The following MTHFD2 variants were observed in gnomAD, a reference collection of about 807,000 sequenced individuals.
The protein encoded by MTHFD2 is bifunctional methylenetetrahydrofolate dehydrogenase/cyclohydrolase, mitochondrial.
Under a neutral mutation model 36.8 loss-of-function variants are expected in MTHFD2, and 26 were observed. The observed-to-expected ratio is 0.71, with a 90% CI of 0.52 to 0.98. The LOEUF is 0.98. Among genes scored for constraint, MTHFD2 ranks in the 50% least tolerant of loss-of-function variants. The pLI, the probability that MTHFD2 is intolerant of heterozygous loss-of-function variation, is 0.00. For missense variants in MTHFD2, 373 were observed against 434.0 expected (o/e 0.86, Z 1.25); for synonymous variants, 164 against 155.2 (o/e 1.06, Z -0.42).
rs111549133 is a variant in MTHFD2 at position 74,203,856 on chromosome 2, G to C, written c.102-1849G>C. Among the ~76,000 whole-genome samples, 240 of 105,144 alleles carry C rather than the reference G, an allele frequency of 2.3e-3. 2 individuals carry two copies. The highest frequency in any genetic ancestry group is 6.4e-3 in the African/African-American group (222 of 34,666). The allele number at this position is 105,144 out of a possible 152,430, so 69.0% of individuals were successfully genotyped here. On this transcript the variant is annotated intron_variant, in intron 1 of 7. Coordinates refer to ENST00000394053, the MANE Select transcript of MTHFD2 (RefSeq NM_006636.4). ...AGAGATGCTCATCTAGTTTAGTTTA[G>C]TTTAGTTTAGTTTAGTTTAGTTTAG...
chr2:74,202,516 A>AT lies in MTHFD2; in HGVS notation c.102-3177dup, dbSNP rs111445397. ...GTATCAGCAAAACCCCCCTATTTTA[A>AT]TTTTTTTTTTTTGAGATGGAGTCTG... is the stretch of plus-strand genomic sequence containing the variant. On this transcript the variant is annotated intron_variant, in intron 1 of 7. Coordinates refer to ENST00000394053, the MANE Select transcript of MTHFD2 (RefSeq NM_006636.4). 3.9e-3 allele frequency among the ~76,000 whole-genome samples: 569 copies of AT among 146,046 alleles called. 5 individuals are homozygous for AT. The highest frequency in any genetic ancestry group is 0.012 in the African/African-American group (474 of 39,964).
rs200469907 is a variant in MTHFD2 at position 74,198,639 on chromosome 2, T to G, written c.-3T>G. ...CCTCCCGGCGCAGTCACCGGCGCGG[T>G]CTATGGCTGCGACTTCTCTAATGTC... On this transcript the variant is annotated 5_prime_UTR_variant, in exon 1 of 8. Transcript: ENST00000394053. The G allele has an allele frequency of 6.2e-6, 10 of 1,605,116 alleles. No individual in the cohort carries two copies. The highest frequency in any genetic ancestry group is 2.2e-5 in the South Asian group (2 of 90,068).
At chr2:74,213,938 C>T in intron 7 of MTHFD2, 141 bp from the exon 8 acceptor site, 1 of 837,708 alleles carries the variant, frequency 1.2e-6, no homozygotes, top group Non-Finnish European at 1.8e-6. Context: ...TTCACAAAAC[C>T]TTGAATGATG....
intron 7 of MTHFD2, among the ~76,000 whole-genome samples, chr2:74,212,341 C>T (rs1409863739): frequency 6.9e-6 from 1 of 144,608 alleles, no homozygotes; most frequent in African/African-American, 2.6e-5. Flanking sequence ...TCTCGGCTCA[C>T]TGCAGCCTCC....
At chr2:74,207,854 T>C (rs558882295) in intron 3 of MTHFD2, 28 bp downstream of exon 3, 11 of 1,564,852 alleles carry the variant, frequency 7.0e-6, no homozygotes, top group Middle Eastern at 1.7e-4. Flanking sequence ...TTTAACATGA[T>C]TGCTGCTGCT....
intron 7 of MTHFD2, 41 bp from the exon 8 acceptor site, chr2:74,214,038 T>G (rs748222959): frequency 1.9e-6 from 3 of 1,594,546 alleles, no homozygotes; most frequent in Non-Finnish European, 2.6e-6. Flanking sequence ...ACATGTCCTT[T>G]GCCATAACTA....
rs770840802 is a variant in MTHFD2, at chr2:74,211,724, C to T, written c.764-17C>T. On this transcript the variant is annotated splice_polypyrimidine_tract_variant and intron_variant, in intron 6 of 7. Transcript: ENST00000394053. Reference sequence around the variant, plus strand: ...TGTTTTCAGTACTAAGTTGATCTTTCCTTTCTCCATTTCCAGGTATTCCAA... The same window carrying T: ...TGTTTTCAGTACTAAGTTGATCTTTTCTTTCTCCATTTCCAGGTATTCCAA... The T allele has an allele frequency of 1.9e-6, 3 of 1,600,374 alleles. No homozygotes were observed. The highest frequency in any genetic ancestry group is 2.6e-6 in the Non-Finnish European group (3 of 1,173,854).
chr2:74,208,361 ACAGTGGAGGGAAG>A (rs1231422354), intron 3 of MTHFD2, among the ~76,000 whole-genome samples, 195 bp from the exon 4 acceptor site: 1 of 152,240 alleles, frequency 6.6e-6, no homozygotes, highest in Non-Finnish European at 1.5e-5. Flanking sequence ...GATACAAAGG[ACAGTGGAGGGAAG>A]CAGCTGTGAT....
chr2:74,211,939 ATTTACTT>A, intron 7 of MTHFD2, 73 bp downstream of exon 7: 1 of 567,254 alleles, frequency 1.8e-6, no homozygotes, highest in Non-Finnish European at 2.4e-6. Context: ...AGGATAGATT[ATTTACTT>A]TTTTTTTTTT....
chr2:74,213,544 C>T (rs1032859895), intron 7 of MTHFD2, among the ~76,000 whole-genome samples: 1 of 152,090 alleles, frequency 6.6e-6, no homozygotes, highest in Non-Finnish European at 1.5e-5. Flanking sequence ...CCTGCCTCAG[C>T]CCCCCAGAGT....
chr2:74,211,118 C>T (rs1053210328), intron 5 of MTHFD2, 81 bp from the exon 6 acceptor site: 2 of 894,778 alleles, frequency 2.2e-6, no homozygotes, highest in East Asian at 5.1e-5. Flanking sequence ...TGTTGAGTTT[C>T]TACAATGACT....
intron 4 of MTHFD2, among the ~76,000 whole-genome samples, 155 bp downstream of exon 4, chr2:74,208,876 G>T (rs866126801): frequency 4.9e-4 from 74 of 150,592 alleles, no homozygotes; most frequent in Admixed American, 8.6e-4. Context: ...TTTTTTTTTT[G>T]TTTTTTGTTT....
Position 74,207,713 on chromosome 2 carries a change from G to A in MTHFD2, c.296G>A (p.Ser99Asn). The A allele has an allele frequency of 6.2e-7, 1 of 1,606,490 alleles. No homozygotes were observed. The highest frequency in any genetic ancestry group is 8.5e-7 in the Non-Finnish European group (1 of 1,173,976). The stretch of plus-strand genomic sequence containing the variant: ...AAATTTCTTATAATAGGAATCAACA[G>A]TGAGACAATTATGAAACCAGCTTCA... ...TRAAAVVGIN[S>N]ETIMKPASIS... Residue 99 changes from serine (S) to asparagine (N), a missense_variant, in exon 3 of 8, where the codon AGT (serine) becomes AAT (asparagine). By Grantham distance (46) the Ser-to-Asn change is conservative. This residue lies in a region of MTHFD2 where 308 missense variants were observed against 397.8 expected (regional missense o/e 0.77). Transcript: ENST00000394053.
chr2:74,209,554 A>G (rs542096140), intron 4 of MTHFD2, among the ~76,000 whole-genome samples: 2 of 150,136 alleles, frequency 1.3e-5, no homozygotes, highest in East Asian at 2.0e-4. Flanking sequence ...CGTGGCCTCT[A>G]TTTTTCTTTT....
At chr2:74,208,259 G>C (rs1040683805) in intron 3 of MTHFD2, among the ~76,000 whole-genome samples, 2 of 152,050 alleles carry the variant, frequency 1.3e-5, no homozygotes. Context: ...TGGCTTAAAG[G>C]CAAAATAAAC....
In MTHFD2 at chr2:74,215,011, T is replaced by C. The variant is rs1434251473; in HGVS notation, c.*769T>C. The C allele has an allele frequency of 6.5e-6, 1 of 152,678 alleles. No individual in the cohort carries two copies. Among genetic ancestry groups the C allele is most frequent in the Non-Finnish European group, 1.5e-5 (1 of 68,046 alleles). 9.5% of individuals were successfully genotyped at this position (152,678 alleles called of 1,614,324 possible). ...TTGCTATATACTTTAACTTCATTGT[T>C]AAATTTTTGTATTGTATAGTTTCTT... is the stretch of plus-strand genomic sequence containing the variant. On this transcript the variant is annotated 3_prime_UTR_variant, in exon 8 of 8. Transcript: ENST00000394053.
chr2:74,212,124 G>A (rs1429694367), intron 7 of MTHFD2, among the ~76,000 whole-genome samples: 5 of 148,608 alleles, frequency 3.4e-5, no homozygotes, highest in African/African-American at 1.2e-4. Flanking sequence ...GAGCCACTGC[G>A]CCCAGTCAGT....
rs1264045553 is a variant in MTHFD2 at position 74,208,428 on chromosome 2, G to A, written c.410-141G>A. 7 of 944,002 alleles carry A rather than the reference G, an allele frequency of 7.4e-6. No individual in the cohort carries two copies. The East Asian group carries it at 1.5e-4, about 20-fold the overall frequency. 58.5% of individuals were successfully genotyped at this position (944,002 alleles called of 1,614,324 possible). A position where few individuals can be genotyped will look rare whatever the true frequency, so the allele number is the denominator to read the frequency against. On this transcript the variant is annotated intron_variant, in intron 3 of 7. Coordinates refer to ENST00000394053, the MANE Select transcript of MTHFD2 (RefSeq NM_006636.4). The stretch of plus-strand genomic sequence containing the variant: ...TATTGGTGTTTGGCTTTGCTTATGC[G>A]AGTTCCTTCCATGCAGATGAAGTAC...
chr2:74,204,783 A>G (rs187284670), intron 1 of MTHFD2, among the ~76,000 whole-genome samples: 22 of 152,184 alleles, frequency 1.4e-4, no homozygotes, highest in African/African-American at 4.6e-4. Flanking sequence ...GACTGTGGGG[A>G]GTGGTGGTCA....
Sources: allele counts gnomAD v4.1 joint callset (sites outside exome capture counted in the v4.1 genomes callset), GRCh38; gene constraint gnomAD v4.1.1; regional missense constraint gnomAD v4.1.1; transcripts MANE v1.5; gene names NCBI Gene and HGNC (gene_info 2026-07-23, HGNC 2026-07-21).